DDX23: variants seen among roughly 807,000 people sequenced by gnomAD.
DDX23 encodes probable ATP-dependent RNA helicase DDX23.
In DDX23, 33 loss-of-function variants were observed where a neutral mutation model predicts 102.7. That is an observed-to-expected ratio of 0.32 (90% CI 0.24 to 0.43). The LOEUF is 0.43. DDX23 is among the 20% of genes least tolerant of loss of function. The pLI is 1.00. For synonymous variants in DDX23, 352 were observed against 376.0 expected, an observed-to-expected ratio of 0.94 and a Z score of 0.74; for missense variants, 549 against 1,086.6, an observed-to-expected ratio of 0.51 and a Z score of 6.96.
Position 48,839,501 on chromosome 12 carries a change from G to A in DDX23, c.480+343C>T, listed in dbSNP as rs191348843. 6.9e-4 allele frequency: 111 copies of A among 160,920 alleles called. 1 individual carries two copies. The East Asian group carries it at 0.015, about 22-fold the overall frequency. 10.0% of individuals were successfully genotyped at this position (160,920 alleles called of 1,614,324 possible). The stretch of plus-strand genomic sequence containing the variant: ...TTCAGCCTGGGAGGTGGAGGTTGAA[G>A]TGAGCCGATATCATGCCACTGTACT... On this transcript the variant is annotated intron_variant, in intron 5 of 16. Coordinates refer to ENST00000308025, the MANE Select transcript of DDX23 (RefSeq NM_004818.3).
intron 16 of DDX23, 51 bp downstream of exon 16, chr12:48,831,090 CA>C: frequency 6.2e-7 from 1 of 1,603,082 alleles, no homozygotes; most frequent in South Asian, 1.1e-5. Flanking sequence ...AGTGGGACAC[CA>C]TAAGGAATCT....
intron 5 of DDX23, 198 bp downstream of exon 5, chr12:48,839,646 T>G: frequency 3.7e-6 from 2 of 547,250 alleles, no homozygotes; most frequent in South Asian, 2.1e-5. Context: ...GGGAGGACCA[T>G]GTGAAGAGCT....
intron 1 of DDX23, 100 bp from the exon 2 acceptor site, chr12:48,845,882 T>G: frequency 2.4e-6 from 3 of 1,260,960 alleles, no homozygotes; most frequent in Non-Finnish European, 3.3e-6. Flanking sequence ...GAGGTGGATA[T>G]ATTAGTATGT....
chr12:48,836,060 T>A lies in DDX23; in HGVS notation c.1382+61A>T, dbSNP rs1202225722. The A allele has an allele frequency of 2.6e-6, 4 of 1,567,630 alleles. No homozygotes were observed. The highest frequency in any genetic ancestry group is 3.5e-6 in the Non-Finnish European group (4 of 1,145,132). ...CGTAAAACAAAAATCAAACATTCATTTGCCACTTTCACCTTTCCTACCCAG... is the reference window on the plus strand; with the variant it reads ...CGTAAAACAAAAATCAAACATTCATATGCCACTTTCACCTTTCCTACCCAG... On this transcript the variant is annotated intron_variant, in intron 11 of 16. Coordinates refer to ENST00000308025, the MANE Select transcript of DDX23 (RefSeq NM_004818.3). This position sits in a 1 kb window ranked among gnomAD's most constrained non-coding sequence, Gnocchi z 6.1.
At chr12:48,842,287 C>T (rs1938573084) in intron 3 of DDX23, among the ~76,000 whole-genome samples, 1 of 147,110 alleles carries the variant, frequency 6.8e-6, no homozygotes, top group Admixed American at 6.7e-5. Context: ...GGTCAGCCCC[C>T]GGCCCGGCCA....
At position 48,839,831 on chromosome 12, in the gene DDX23, C is replaced by T. The variant is rs1252954739; in HGVS notation, c.480+13G>A. 3.7e-6 allele frequency: 6 copies of T among 1,613,806 alleles called. No individual in the cohort carries two copies. The highest frequency in any genetic ancestry group is 5.1e-6 in the Non-Finnish European group (6 of 1,179,934). On this transcript the variant is annotated intron_variant, in intron 5 of 16. Coordinates refer to ENST00000308025, the MANE Select transcript of DDX23 (RefSeq NM_004818.3). ...CAGCCTGAGCCGATGAATGAAGACCCTCAAGTACTTACCTTAGCCTCAGCT... is the reference window on the plus strand; with the variant it reads ...CAGCCTGAGCCGATGAATGAAGACCTTCAAGTACTTACCTTAGCCTCAGCT...
chr12:48,836,922 G>A lies in DDX23; in HGVS notation c.982C>T (p.Arg328Ter). 6.2e-7 allele frequency: 1 copy of A among 1,613,730 alleles called. No homozygotes were observed. Among genetic ancestry groups the A allele is most frequent in the Non-Finnish European group, 8.5e-7 (1 of 1,180,034 alleles). ...RFYGDLMEKR[R>*]TLEEKEQEEA... ...TCCTGCTCCTTTTCTTCCAGGGTTC[G>A]CCTCTTCTCCATTAGGTCTCCATAG... The change falls in exon 9 of 17, where the codon CGA (arginine) becomes TGA (stop). Residue 328 changes from arginine (R) to a stop codon, truncating the protein, a stop_gained. Transcript: ENST00000308025. LOFTEE classifies it high-confidence loss of function. This position sits in a 1 kb window ranked among gnomAD's most constrained non-coding sequence, Gnocchi z 6.1.
At chr12:48,838,407 A>G (rs933894507) in intron 5 of DDX23, among the ~76,000 whole-genome samples, 2 of 152,130 alleles carry the variant, frequency 1.3e-5, no homozygotes, top group African/African-American at 4.8e-5. Context: ...AAACTCAGCC[A>G]GACATGATGG....
chr12:48,843,547 CTTTT>C (rs757724499), intron 3 of DDX23, among the ~76,000 whole-genome samples: 5 of 117,486 alleles, frequency 4.3e-5, no homozygotes, highest in South Asian at 2.7e-4. Flanking sequence ...TTCTTTCTTT[CTTTT>C]TTTTTTTTTT....
intron 5 of DDX23, among the ~76,000 whole-genome samples, chr12:48,838,782 G>A (rs1448767352): frequency 6.6e-6 from 1 of 152,036 alleles, no homozygotes; most frequent in Non-Finnish European, 1.5e-5. Flanking sequence ...GAACCTGGGA[G>A]GCAGAGGTTG....
chr12:48,837,398 C>G lies in DDX23; in HGVS notation c.754-5G>C, dbSNP rs777158416. The G allele has an allele frequency of 1.6e-5, 26 of 1,613,984 alleles. No homozygotes were observed. The Admixed American group carries it at 4.2e-4, about 26-fold the overall frequency. On this transcript the variant is annotated splice_polypyrimidine_tract_variant and splice_region_variant and intron_variant, in intron 7 of 16. Coordinates refer to ENST00000308025, the MANE Select transcript of DDX23 (RefSeq NM_004818.3). ...GATGCCACCCAGGTAACGCTCCTAC[C>G]CAGGGACAGAACACAAAGCACATGA...
chr12:48,835,969 G>T, intron 11 of DDX23, 152 bp downstream of exon 11: 2 of 885,462 alleles, frequency 2.3e-6, no homozygotes, highest in Non-Finnish European at 3.5e-6. Flanking sequence ...ATACTTCTTC[G>T]ATATCATGAT....
chr12:48,841,695 G>A (rs1938553891), intron 3 of DDX23, among the ~76,000 whole-genome samples: 1 of 152,244 alleles, frequency 6.6e-6, no homozygotes, highest in Non-Finnish European at 1.5e-5. Flanking sequence ...GCTCCTGACC[G>A]CGAGTGATCC....
At chr12:48,843,027 C>T (rs1938595610) in intron 3 of DDX23, among the ~76,000 whole-genome samples, 1 of 150,508 alleles carries the variant, frequency 6.6e-6, no homozygotes, top group African/African-American at 2.5e-5. Context: ...GAAACATGTG[C>T]TGTGTCCACT....
At position 48,831,122 on chromosome 12, in the gene DDX23, C is replaced by A. The variant is rs779826039; in HGVS notation, c.2239+20G>T. ...AATCTGACTTCACCCTGGATTGAAG[C>A]TGCTTTCCCTGGAACTTACCTTCAA... is the stretch of plus-strand genomic sequence containing the variant. On this transcript the variant is annotated intron_variant, in intron 16 of 16. Transcript: ENST00000308025. 6.2e-7 allele frequency: 1 copy of A among 1,613,532 alleles called. No individual in the cohort carries two copies. Among genetic ancestry groups the A allele is most frequent in the East Asian group, 2.2e-5 (1 of 44,880 alleles).
chr12:48,835,821 G>A (rs1165486060), intron 11 of DDX23, among the ~76,000 whole-genome samples: 3 of 152,202 alleles, frequency 2.0e-5, no homozygotes, highest in Non-Finnish European at 4.4e-5. Context: ...AACCTGGGAG[G>A]CAAAAGTTGT....
At chr12:48,843,271 A>G (rs1938601141) in intron 3 of DDX23, among the ~76,000 whole-genome samples, 4 of 151,012 alleles carry the variant, frequency 2.6e-5, no homozygotes, top group Admixed American at 6.6e-5. Context: ...CCCCCTCTGC[A>G]AGAAACACCC....
rs1938421205 is a variant in DDX23, at chr12:48,833,526, A to G, written c.1561-7T>C. Reference sequence around the variant, plus strand: ...CAGGGGTAGCAATCACAATCTGAGGAGTACAGTATAATCATTTATAGCCCA... The same window carrying G: ...CAGGGGTAGCAATCACAATCTGAGGGGTACAGTATAATCATTTATAGCCCA... On this transcript the variant is annotated splice_region_variant and splice_polypyrimidine_tract_variant and intron_variant, in intron 12 of 16. Coordinates refer to ENST00000308025, the MANE Select transcript of DDX23 (RefSeq NM_004818.3). 1.9e-6 allele frequency: 3 copies of G among 1,613,420 alleles called. No individual in the cohort carries two copies. Among genetic ancestry groups the G allele is most frequent in the Non-Finnish European group, 2.5e-6 (3 of 1,179,896 alleles).
Position 48,832,196 on chromosome 12 carries a change from A to G in DDX23, c.1956-10T>C, listed in dbSNP as rs766567008. On this transcript the variant is annotated splice_polypyrimidine_tract_variant and intron_variant, in intron 14 of 16. Transcript: ENST00000308025. The surrounding 1 kb of genome is among the most constrained non-coding windows in gnomAD (Gnocchi z 4.4). ...TGCCAGCAGCTTTTTCCTGGAAGGA[A>G]GAGGAGAAAAACAAGATGCATAATA... is the stretch of plus-strand genomic sequence containing the variant. 1.1e-5 allele frequency: 17 copies of G among 1,613,788 alleles called. No homozygotes were observed. The highest frequency in any genetic ancestry group is 1.4e-5 in the Non-Finnish European group (17 of 1,179,890).
Sources: allele counts gnomAD v4.1 joint callset (sites outside exome capture counted in the v4.1 genomes callset), GRCh38; gene constraint gnomAD v4.1.1; non-coding constraint Gnocchi (gnomAD v3.1); transcripts MANE v1.5; gene names NCBI Gene and HGNC (gene_info 2026-07-23, HGNC 2026-07-21).